VAC14: variants seen among roughly 807,000 people sequenced by gnomAD.
VAC14 encodes VAC14 component of PIKFYVE complex.
VAC14 carries 47 observed loss-of-function variants against 85.3 expected under a neutral mutation model. The ratio of observed to expected loss-of-function variants is 0.55; its 90% CI spans 0.44 to 0.70. VAC14 has a LOEUF of 0.70. Ranked by LOEUF, VAC14 falls within the 30% of genes least tolerant of loss-of-function variation. The pLI, the probability that VAC14 is intolerant of heterozygous loss-of-function variation, is 0.00. For synonymous variants in VAC14, 447 were observed against 430.5 expected, an observed-to-expected ratio of 1.04 and a Z score of -0.47; for missense variants, 861 against 1,004.3, an observed-to-expected ratio of 0.86 and a Z score of 1.93.
chr16:70,730,923 C>T (rs932227552), intron 14 of VAC14, among the ~76,000 whole-genome samples: 4 of 152,232 alleles, frequency 2.6e-5, no homozygotes, highest in African/African-American at 9.6e-5. Context: ...CCTGCTCTAG[C>T]TTTCACCAGG....
intron 14 of VAC14, among the ~76,000 whole-genome samples, chr16:70,720,000 T>C (rs956173730): frequency 6.6e-6 from 1 of 152,158 alleles, no homozygotes; most frequent in African/African-American, 2.4e-5. Flanking sequence ...ATACAGAATA[T>C]TCCATGGAAA....
At chr16:70,715,026 G>A (rs994899460) in intron 14 of VAC14, 8 of 152,334 alleles carry the variant, frequency 5.3e-5, no homozygotes, top group Non-Finnish European at 1.2e-4. Context: ...TCCTCTCAGG[G>A]ACTTGGGCAC....
At chr16:70,726,259 C>A (rs1367776243) in intron 14 of VAC14, among the ~76,000 whole-genome samples, 3 of 152,250 alleles carry the variant, frequency 2.0e-5, no homozygotes, top group African/African-American at 7.2e-5. Flanking sequence ...CAACGCACAC[C>A]AACACCTACT....
chr16:70,701,193 C>T (rs1390050194), intron 14 of VAC14, among the ~76,000 whole-genome samples: 2 of 152,208 alleles, frequency 1.3e-5, no homozygotes, highest in East Asian at 1.9e-4. Flanking sequence ...TCTCTCTAGT[C>T]TGTGCCTCTT....
intron 14 of VAC14, among the ~76,000 whole-genome samples, chr16:70,723,185 G>A (rs941327037): frequency 3.3e-5 from 5 of 151,776 alleles, no homozygotes; most frequent in African/African-American, 1.2e-4. Context: ...TTGCACCACA[G>A]CACTTGATTC....
rs376734444 is a variant in VAC14, at chr16:70,710,799, C to G, written c.1662-11988G>C. Among the ~76,000 whole-genome samples, 4 of 152,236 alleles carry G rather than the reference C, an allele frequency of 2.6e-5. No homozygotes were observed. The South Asian group carries it at 8.3e-4, about 32-fold the overall frequency. ...AGCCCCAGTGTTCATATGGCCATAGCCCCGTGTCAACATTTCCCTCCCCCA... is the reference window on the plus strand; with the variant it reads ...AGCCCCAGTGTTCATATGGCCATAGGCCCGTGTCAACATTTCCCTCCCCCA... On this transcript the variant is annotated intron_variant, in intron 14 of 18. Transcript: ENST00000261776.
intron 1 of VAC14, among the ~76,000 whole-genome samples, chr16:70,795,329 A>C (rs545549332): frequency 9.2e-5 from 14 of 151,854 alleles, no homozygotes; most frequent in Admixed American, 3.9e-4. Flanking sequence ...ACAACAACAA[A>C]AAACAACCAA....
chr16:70,791,821 G>T (rs1197217759), intron 1 of VAC14, among the ~76,000 whole-genome samples: 1 of 152,226 alleles, frequency 6.6e-6, no homozygotes, highest in Admixed American at 6.5e-5. Context: ...GGGGTGACAG[G>T]CAGCTTGAGC....
At chr16:70,775,337 G>A (rs377448693) in intron 9 of VAC14, among the ~76,000 whole-genome samples, 1 of 152,086 alleles carries the variant, frequency 6.6e-6, no homozygotes, top group Non-Finnish European at 1.5e-5. Context: ...ACCGCTCCCC[G>A]GGGTAGGCAA....
intron 9 of VAC14, among the ~76,000 whole-genome samples, chr16:70,777,960 T>C (rs1393064627): frequency 6.6e-6 from 1 of 152,140 alleles, no homozygotes; most frequent in Non-Finnish European, 1.5e-5. Context: ...CTGGGCACCT[T>C]GGTAAAAGAC....
chr16:70,690,877 C>A, intron 18 of VAC14: 2 of 985,522 alleles, frequency 2.0e-6, no homozygotes, highest in Non-Finnish European at 2.4e-6. Flanking sequence ...GGCTGGGGGT[C>A]CAGGGCATTG....
intron 1 of VAC14, 150 bp downstream of exon 1, chr16:70,800,647 T>C: frequency 1.6e-6 from 1 of 631,762 alleles, no homozygotes; most frequent in East Asian, 3.1e-5. Flanking sequence ...GACTCCCAGA[T>C]ATGGCTCCCA....
intron 9 of VAC14, among the ~76,000 whole-genome samples, chr16:70,774,215 CTTCT>C (rs2033395954): frequency 1.3e-5 from 2 of 152,200 alleles, no homozygotes; most frequent in Non-Finnish European, 1.5e-5. Context: ...GCTAAACTGT[CTTCT>C]TTGTCTCCTC....
chr16:70,711,474 TTTCCC>T, intron 14 of VAC14, among the ~76,000 whole-genome samples: 1 of 152,130 alleles, frequency 6.6e-6, no homozygotes, highest in South Asian at 2.1e-4. Flanking sequence ...CATTTCACTG[TTTCCC>T]TGCTGGTCTC....
At chr16:70,743,416 CTTTGTTCT>C (rs1251048057) in intron 13 of VAC14, among the ~76,000 whole-genome samples, 3 of 152,242 alleles carry the variant, frequency 2.0e-5, no homozygotes, top group African/African-American at 7.2e-5. Flanking sequence ...GCTGTGGAAG[CTTTGTTCT>C]TTTGTTCTTC....
chr16:70,784,934 G>T, intron 3 of VAC14, 96 bp from the exon 4 acceptor site: 1 of 1,056,858 alleles, frequency 9.5e-7, no homozygotes, highest in Non-Finnish European at 1.5e-6. Flanking sequence ...CGAGGCCTTG[G>T]TGCAGCCCAG....
intron 18 of VAC14, chr16:70,688,449 C>G (rs2053539823): frequency 2.0e-6 from 2 of 1,001,546 alleles, no homozygotes; most frequent in Non-Finnish European, 1.2e-6. Flanking sequence ...CAGCTGGGGC[C>G]TGGAACAGGG....
chr16:70,727,139 A>G (rs2054452303), intron 14 of VAC14, among the ~76,000 whole-genome samples: 1 of 152,208 alleles, frequency 6.6e-6, no homozygotes. Flanking sequence ...TCCTGCCAAA[A>G]GAACAGCTTT....
chr16:70,720,922 A>G (rs2054274684), intron 14 of VAC14, among the ~76,000 whole-genome samples: 1 of 151,544 alleles, frequency 6.6e-6, no homozygotes, highest in East Asian at 1.9e-4. Context: ...CGGGGCTCAA[A>G]ACAGACTGGT....
Sources: gnomAD v4.1 joint callset for allele counts (sites outside exome capture counted in the v4.1 genomes callset) on GRCh38, gnomAD v4.1.1 for gene constraint, MANE v1.5 for transcripts, NCBI Gene and HGNC (gene_info 2026-07-23, HGNC 2026-07-21) for gene names.